RBMX: variants seen among roughly 807,000 people sequenced by gnomAD.
RBMX encodes RNA binding motif protein X-linked.
In RBMX, 1 loss-of-function variant was observed where a neutral mutation model predicts 29.3. That is an observed-to-expected ratio of 0.03 (90% CI 0.01 to 0.16). The LOEUF (loss-of-function observed/expected upper bound fraction) is 0.16, where lower values mean the gene tolerates loss of function less well. RBMX is among the 10% of genes least tolerant of loss of function. The probability of loss-of-function intolerance (pLI) is 1.00; values close to 1 mark genes in which losing one functional copy is unlikely to be tolerated. For missense variants in RBMX, 121 were observed against 333.2 expected, an observed-to-expected ratio of 0.36 and a Z score of 4.96; for synonymous variants, 102 against 102.3, an observed-to-expected ratio of 1.00 and a Z score of 0.02.
chrX:136,878,219 AC>A (rs1217591612), intron 3 of RBMX, 133 bp from the exon 4 acceptor site: 54 of 532,827 alleles, frequency 1.0e-4, no homozygotes, highest in Non-Finnish European at 1.5e-4. Flanking sequence ...AAGAAAAAAC[AC>A]TGCAAATATA....
At chrX:136,877,197 T>C (rs1475298279) in intron 4 of RBMX, among the ~76,000 whole-genome samples, 22 of 107,337 alleles carry the variant, frequency 2.0e-4, no homozygotes, top group African/African-American at 7.1e-4. Flanking sequence ...CCAGGTGTGG[T>C]GGTGCATGCC....
At chrX:136,871,522 CAG>C (rs2077684641), downstream of RBMX, among the ~76,000 whole-genome samples, 1 of 110,251 alleles carries the variant, frequency 9.1e-6, no homozygotes, top group Non-Finnish European at 1.9e-5. Context: ...TTATGTTAAA[CAG>C]GGAGCTTGCA....
At chrX:136,876,747 G>A (rs1027051843) in intron 4 of RBMX, 92 bp from the exon 5 acceptor site, 29 of 795,744 alleles carry the variant, frequency 3.6e-5, no homozygotes, top group Middle Eastern at 4.1e-4. Context: ...TCTCACTGTC[G>A]CCCAGGCTGG....
At chrX:136,875,821 G>A (rs772437872) in intron 5 of RBMX, among the ~76,000 whole-genome samples, 1 of 105,419 alleles carries the variant, frequency 9.5e-6, no homozygotes, top group African/African-American at 3.5e-5. Context: ...TTTTTTTTGA[G>A]ATGGGAGTCT....
intron 5 of RBMX, among the ~76,000 whole-genome samples, chrX:136,876,112 GTTTT>G (rs1219930728): frequency 1.0e-4 from 9 of 87,873 alleles, no homozygotes; most frequent in African/African-American, 3.8e-4. Flanking sequence ...CATGAATAAA[GTTTT>G]TTTTTTTTGT....
chrX:136,877,334 C>A (rs897012724), intron 4 of RBMX, among the ~76,000 whole-genome samples: 4 of 81,666 alleles, frequency 4.9e-5, no homozygotes, highest in Non-Finnish European at 5.1e-5. Context: ...CTCTACCCCC[C>A]CCCCCCCAAA....
chrX:136,877,767 C>CA (rs1195967645), intron 4 of RBMX, 148 bp downstream of exon 4: 1 of 486,207 alleles, frequency 2.1e-6, no homozygotes, highest in Non-Finnish European at 3.3e-6. Flanking sequence ...CCCATGCTTT[C>CA]AATTGGCAAT....
Position 136,873,532 on chromosome X carries a change from G to A in RBMX, c.*610C>T, listed in dbSNP as rs1346958218. Reference sequence around the variant, plus strand: ...ACACACTTAAATGGTCTTATTGGGGGAAGGGAAAGGGGAGGTTCTTGCAGA... The same window carrying A: ...ACACACTTAAATGGTCTTATTGGGGAAAGGGAAAGGGGAGGTTCTTGCAGA... On this transcript the variant is annotated 3_prime_UTR_variant, in exon 9 of 9. Transcript: ENST00000320676. 1 of 750,216 alleles carries A rather than the reference G, an allele frequency of 1.3e-6. No individual in the cohort carries two copies. The highest frequency in any genetic ancestry group is 1.6e-6 in the Non-Finnish European group (1 of 636,379). The allele number at this position is 750,216 out of a possible 1,213,427, so 61.8% of individuals were successfully genotyped here.
At chrX:136,877,327 T>TCC (rs1214325421) in intron 4 of RBMX, among the ~76,000 whole-genome samples, 167 of 29,797 alleles carry the variant, frequency 5.6e-3, no homozygotes, top group Non-Finnish European at 5.9e-3. Flanking sequence ...TGCTAAACTC[T>TCC]ACCCCCCCCC....
At position 136,877,341 on chromosome X, in the gene RBMX, CA is replaced by C. The variant is rs1168334032; in HGVS notation, c.388+573del. Among the ~76,000 whole-genome samples the C allele has an allele frequency of 2.2e-3, 164 of 73,649 alleles. 2 individuals carry two copies. The highest frequency in any genetic ancestry group is 0.012 in the Middle Eastern group (2 of 167). The allele number at this position is 73,649 out of a possible 115,157, so 64.0% of individuals were successfully genotyped here. On this transcript the variant is annotated intron_variant, in intron 4 of 8. Coordinates refer to ENST00000320676, the MANE Select transcript of RBMX (RefSeq NM_002139.4). ...GTGCTAAACTCTACCCCCCCCCCCC[CA>C]AAAAAAAACCATTATTGATTTGGGT... is the stretch of plus-strand genomic sequence containing the variant.
At position 136,874,049 on chromosome X, in the gene RBMX, T is replaced by C. The variant is rs15259; in HGVS notation, c.*93A>G. On this transcript the variant is annotated 3_prime_UTR_variant, in exon 9 of 9. Transcript: ENST00000320676. ...GGAATTTAAAAAAAGTAACACAATT[T>C]TTCCTTTTAGTAGTCCTTGGGTAGT... The C allele has an allele frequency of 3.6e-6, 4 of 1,114,508 alleles. No homozygotes were observed. The highest frequency in any genetic ancestry group is 2.4e-6 in the Non-Finnish European group (2 of 849,651). The allele number at this position is 1,114,508 out of a possible 1,213,427, so 91.8% of individuals were successfully genotyped here.
chrX:136,877,338 CCCCA>C lies in RBMX; in HGVS notation c.388+573_388+576del, dbSNP rs199588000. On this transcript the variant is annotated intron_variant, in intron 4 of 8. Transcript: ENST00000320676. ...CAAGTGCTAAACTCTACCCCCCCCC[CCCCA>C]AAAAAAAACCATTATTGATTTGGGT... Among the ~76,000 whole-genome samples, 415 of 86,445 alleles carry C rather than the reference CCCCA, an allele frequency of 4.8e-3. 5 individuals are homozygous for C. Among genetic ancestry groups the C allele is most frequent in the African/African-American group, 0.016 (390 of 24,370 alleles). The allele number at this position is 86,445 out of a possible 115,157, so 75.1% of individuals were successfully genotyped here.
At chrX:136,877,878 C>T (rs375610535) in intron 4 of RBMX, 37 bp downstream of exon 4, 1 of 1,132,413 alleles carries the variant, frequency 8.8e-7, no homozygotes. Flanking sequence ...CAGTCCCTAA[C>T]TTATACACCA....
At chrX:136,879,287 A>G in intron 2 of RBMX, 32 bp downstream of exon 2, 2 of 1,200,934 alleles carry the variant, frequency 1.7e-6, no homozygotes, top group Non-Finnish European at 2.3e-6. Flanking sequence ...TTTTAATTAT[A>G]ATAGCCCAGC....
intron 3 of RBMX, 30 bp downstream of exon 3, chrX:136,878,980 AGTAACAG>A (rs1377039935): frequency 1.7e-6 from 2 of 1,204,076 alleles, no homozygotes; most frequent in African/African-American, 3.5e-5. Flanking sequence ...TTTATGCACT[AGTAACAG>A]GTTATCATCC....
intron 5 of RBMX, 96 bp from the exon 6 acceptor site, chrX:136,875,681 A>G: frequency 3.8e-6 from 4 of 1,064,738 alleles, no homozygotes; most frequent in Non-Finnish European, 5.0e-6. Context: ...GACTGACTTC[A>G]AAGATGACAT....
chrX:136,873,135 T>TA (rs2148709565), downstream of RBMX: 1 of 111,511 alleles, frequency 9.0e-6, no homozygotes, highest in South Asian at 3.8e-4. Flanking sequence ...AAGTTTTTTT[T>TA]AATCTAGAAG....
intron 3 of RBMX, 123 bp downstream of exon 3, chrX:136,878,894 C>T (rs998361704): frequency 1.2e-6 from 1 of 864,372 alleles, no homozygotes; most frequent in African/African-American, 2.1e-5. Context: ...ATGAGTGGAT[C>T]CCAGACAGGT....
chrX:136,877,815 G>A (rs756760685), intron 4 of RBMX, 100 bp downstream of exon 4: 14 of 827,839 alleles, frequency 1.7e-5, no homozygotes, highest in Non-Finnish European at 2.2e-5. Flanking sequence ...AATTTCAAAA[G>A]TTGGCACCTT....
Sources: gnomAD v4.1 joint callset for allele counts (sites outside exome capture counted in the v4.1 genomes callset) on GRCh38, gnomAD v4.1.1 for gene constraint, MANE v1.5 for transcripts, NCBI Gene and HGNC (gene_info 2026-07-23, HGNC 2026-07-21) for gene names.